Variants in RARB observed in about 807,000 individuals in gnomAD.
The protein encoded by RARB is retinoic acid receptor beta, also known as HBV-activated protein.
Under a neutral mutation model 51.9 loss-of-function variants are expected in RARB, and 17 were observed. That is an observed-to-expected ratio of 0.33 (90% confidence interval 0.22 to 0.49). The LOEUF (loss-of-function observed/expected upper bound fraction) is 0.49, where lower values mean the gene tolerates loss of function less well. RARB is among the 20% of genes least tolerant of loss of function. The pLI, the probability that RARB is intolerant of heterozygous loss-of-function variation, is 0.99. For synonymous variants in RARB, 215 were observed against 195.4 expected (o/e 1.10, Z -0.84); for missense variants, 369 against 550.8 (o/e 0.67, Z 3.30).
chr3:25,116,906 A>G (rs1699696313), intron 3 of RARB, among the ~76,000 whole-genome samples: 1 of 152,116 alleles, frequency 6.6e-6, no homozygotes, highest in Non-Finnish European at 1.5e-5. Flanking sequence ...CCTCTTCCTG[A>G]TTTTAAATTG....
intron 5 of RARB, among the ~76,000 whole-genome samples, chr3:25,205,137 C>A (rs1014343838): frequency 1.3e-5 from 2 of 152,146 alleles, no homozygotes; most frequent in African/African-American, 4.8e-5. Flanking sequence ...GGTGCCCCTC[C>A]CCCAGCCTCT....
intron 2 of RARB, among the ~76,000 whole-genome samples, chr3:25,040,021 G>A (rs41346947): frequency 0.021 from 3,226 of 152,304 alleles, 101 homozygotes; most frequent in African/African-American, 0.074. Flanking sequence ...ACTTAATGGT[G>A]ACATTCTCCT....
chr3:24,996,343 T>C (rs1559426894), intron 2 of RARB, among the ~76,000 whole-genome samples: 1 of 150,802 alleles, frequency 6.6e-6, no homozygotes, highest in Non-Finnish European at 1.5e-5. Context: ...GGTTCTTCTC[T>C]CTTTTCTTAT....
intron 5 of RARB, among the ~76,000 whole-genome samples, chr3:25,357,634 T>A (rs545194359): frequency 6.6e-6 from 1 of 152,354 alleles, no homozygotes; most frequent in East Asian, 1.9e-4. Context: ...CTAGGGTTTT[T>A]ATGGTTTTAG....
chr3:24,982,050 C>T (rs1003425302), intron 2 of RARB, among the ~76,000 whole-genome samples: 5 of 152,182 alleles, frequency 3.3e-5, no homozygotes, highest in South Asian at 4.1e-4. Flanking sequence ...TCTTTGGGTC[C>T]TGGCCAGCCA....
At chr3:25,594,735 G>C in intron 7 of RARB, 57 bp downstream of exon 7, 1 of 1,421,422 alleles carries the variant, frequency 7.0e-7, no homozygotes. Context: ...GGCCTTACCA[G>C]GTTGTGTTGC....
intron 2 of RARB, among the ~76,000 whole-genome samples, chr3:24,977,593 A>C (rs1249119862): frequency 1.3e-5 from 2 of 152,162 alleles, no homozygotes; most frequent in African/African-American, 4.8e-5. Flanking sequence ...AAAGCTTGTG[A>C]ATTTTGCACA....
intron 2 of RARB, among the ~76,000 whole-genome samples, chr3:25,500,393 GA>G (rs1329038519): frequency 1.4e-5 from 2 of 147,700 alleles, no homozygotes; most frequent in African/African-American, 5.0e-5. Flanking sequence ...ACTCAGAGAA[GA>G]CTCCTTTGAA....
At chr3:25,110,744 G>C (rs1053201259) in intron 3 of RARB, among the ~76,000 whole-genome samples, 1 of 152,152 alleles carries the variant, frequency 6.6e-6, no homozygotes, top group African/African-American at 2.4e-5. Flanking sequence ...TTAGTGTATT[G>C]TAGCTCAGTT....
At chr3:25,482,739 C>A (rs1015928593) in intron 2 of RARB, among the ~76,000 whole-genome samples, 74 of 151,614 alleles carry the variant, frequency 4.9e-4, no homozygotes, top group Non-Finnish European at 1.9e-4. Context: ...CGGGGTTTCA[C>A]CATGTTAGCC....
chr3:24,829,778 A>G (rs1212814243), intron 1 of RARB, among the ~76,000 whole-genome samples: 1 of 152,172 alleles, frequency 6.6e-6, no homozygotes, highest in Non-Finnish European at 1.5e-5. Context: ...GTCGCTGGCA[A>G]GTTGCACCTG....
At chr3:25,178,088 A>G (rs1700791642) in intron 5 of RARB, among the ~76,000 whole-genome samples, 1 of 151,964 alleles carries the variant, frequency 6.6e-6, no homozygotes, top group African/African-American at 2.4e-5. Context: ...GGCTATTGGT[A>G]TGATCATTTG....
At chr3:25,503,956 C>T (rs1697438934) in intron 3 of RARB, among the ~76,000 whole-genome samples, 1 of 152,220 alleles carries the variant, frequency 6.6e-6, no homozygotes, top group South Asian at 2.1e-4. Context: ...TGGCTGAAGA[C>T]ATAACCAAGA....
At chr3:25,123,519 G>A (rs1699815565) in intron 3 of RARB, among the ~76,000 whole-genome samples, 1 of 152,144 alleles carries the variant, frequency 6.6e-6, no homozygotes, top group Non-Finnish European at 1.5e-5. Flanking sequence ...CTATATCAAA[G>A]CCACTTGAAA....
chr3:25,353,452 C>T (rs553885909), intron 5 of RARB, among the ~76,000 whole-genome samples: 1 of 152,118 alleles, frequency 6.6e-6, no homozygotes, highest in African/African-American at 2.4e-5. Flanking sequence ...AGTATCAATA[C>T]AGATTCCTAT....
At chr3:24,922,597 G>A (rs1239459588) in intron 2 of RARB, among the ~76,000 whole-genome samples, 1 of 152,170 alleles carries the variant, frequency 6.6e-6, no homozygotes, top group Non-Finnish European at 1.5e-5. Context: ...GACAAGGAAT[G>A]TGCCTCGAAA....
At position 25,428,717 on chromosome 3, in the gene RARB, A is replaced by AGAAT; in HGVS notation, c.-14_-13insAATG. 1 of 1,594,048 alleles carries AGAAT rather than the reference A, an allele frequency of 6.3e-7. No individual in the cohort carries two copies. The highest frequency in any genetic ancestry group is 8.6e-7 in the Non-Finnish European group (1 of 1,165,280). On this transcript the variant is annotated 5_prime_UTR_variant, in exon 1 of 8. The change creates a new upstream start codon in the 5' untranslated region. Coordinates refer to ENST00000330688, the MANE Select transcript of RARB (RefSeq NM_000965.5). Reference sequence around the variant, plus strand: ...AGGATAAGCACTTTTGCAGACATTCAGTGCAAGGGAGATCATGTTTGACTG... The same window carrying AGAAT: ...AGGATAAGCACTTTTGCAGACATTCAGAATGTGCAAGGGAGATCATGTTTGACTG...
chr3:25,506,807 G>A (rs570134155), intron 3 of RARB, among the ~76,000 whole-genome samples: 353 of 152,336 alleles, frequency 2.3e-3, no homozygotes, highest in South Asian at 0.012. Flanking sequence ...TGGCTCATCC[G>A]GTGGCCAAGG....
At chr3:24,898,039 T>C (rs1279758016) in intron 2 of RARB, among the ~76,000 whole-genome samples, 1 of 152,156 alleles carries the variant, frequency 6.6e-6, no homozygotes, top group Non-Finnish European at 1.5e-5. Flanking sequence ...TTAGACCTCA[T>C]GGTTTATTTG....
Sources: allele counts gnomAD v4.1 joint callset (sites outside exome capture counted in the v4.1 genomes callset), GRCh38; gene constraint gnomAD v4.1.1; transcripts MANE v1.5; gene names NCBI Gene and HGNC (gene_info 2026-07-23, HGNC 2026-07-21).